The following ZNF398 variants were observed in gnomAD, a reference collection of about 807,000 sequenced individuals.
The protein encoded by ZNF398 is zinc finger DNA binding protein ZER6.
A neutral mutation model predicts 41.9 loss-of-function variants in ZNF398; 18 were observed. That is an observed-to-expected ratio of 0.43 (90% CI 0.30 to 0.64). ZNF398 has a LOEUF of 0.64. Among genes scored for constraint, ZNF398 ranks in the 30% least tolerant of loss-of-function variants. The pLI is 0.14. For synonymous variants in ZNF398, 260 were observed against 308.8 expected (o/e 0.84, Z 1.66); for missense variants, 669 against 822.8 (o/e 0.81, Z 2.29).
chr7:149,133,681 A>G (rs1314951102), intron 2 of ZNF398, among the ~76,000 whole-genome samples: 1 of 36,090 alleles, frequency 2.8e-5, no homozygotes, highest in East Asian at 1.2e-3. Flanking sequence ...ATATATATAC[A>G]TATATATGTG....
At chr7:149,164,493 G>A (rs541202554) in intron 2 of ZNF398, among the ~76,000 whole-genome samples, 1 of 152,116 alleles carries the variant, frequency 6.6e-6, no homozygotes. Flanking sequence ...AAGCATACTA[G>A]AAATAACAGC....
rs536818669 is a variant in ZNF398 at position 149,131,264 on chromosome 7, G to A, written c.-490+2320G>A. On this transcript the variant is annotated intron_variant, in intron 2 of 6. Transcript: ENST00000426851. ...TAATGATACAAAAAATTCTTATTAC[G>A]TGCTAAATTGCCAACTTCTAGTTAA... Among the ~76,000 whole-genome samples the A allele has an allele frequency of 4.6e-5, 7 of 152,208 alleles. No individual in the cohort carries two copies. In the South Asian group the frequency reaches 6.2e-4, roughly 14 times the overall value.
intron 4 of ZNF398, among the ~76,000 whole-genome samples, chr7:149,174,169 C>T (rs1346072203): frequency 6.6e-6 from 1 of 152,140 alleles, no homozygotes; most frequent in Non-Finnish European, 1.5e-5. Context: ...TCACCAGCTG[C>T]ATCAGCCTGT....
intron 1 of ZNF398, chr7:149,148,150 G>A: frequency 4.5e-6 from 1 of 223,992 alleles, no homozygotes; most frequent in Non-Finnish European, 8.8e-6. Flanking sequence ...TTCGTCACCA[G>A]CAATCTGAGC....
At chr7:149,157,415 G>A (rs1017980554) in intron 2 of ZNF398, among the ~76,000 whole-genome samples, 1 of 151,620 alleles carries the variant, frequency 6.6e-6, no homozygotes, top group Non-Finnish European at 1.5e-5. Context: ...AGCGTCTGTA[G>A]TCCCAGCTAC....
rs140993641 is a variant in ZNF398 at position 149,154,170 on chromosome 7, A to T, written c.250A>T (p.Thr84Ser). 1 of 1,614,028 alleles carries T rather than the reference A, an allele frequency of 6.2e-7. No individual in the cohort carries two copies. The highest frequency in any genetic ancestry group is 1.3e-5 in the African/African-American group (1 of 74,924). The change falls in exon 2 of 6, where the codon ACA becomes TCA. Residue 84 changes from threonine to serine, a missense_variant. Thr to Ser is a moderately conservative substitution (Grantham distance 58). This residue lies in a region of ZNF398 where 169 missense variants were observed against 239.5 expected (regional missense o/e 0.71). Coordinates refer to ENST00000475153, the MANE Select transcript of ZNF398 (RefSeq NM_170686.3). Reference protein sequence around the residue: ...AEKKLASCEKTVTELGNQLEG... With the variant: ...AEKKLASCEKSVTELGNQLEG... ...GAAGAAACTAGCCAGCTGTGAAAAG[A>T]CAGTTACCGAGCTTGGGAACCAGCT...
intron 2 of ZNF398, among the ~76,000 whole-genome samples, chr7:149,163,941 G>A (rs1233027609): frequency 4.0e-5 from 6 of 151,872 alleles, no homozygotes; most frequent in Admixed American, 6.6e-5. Flanking sequence ...GTGAAACCCC[G>A]TGTCTACTAA....
At chr7:149,127,061 C>T (rs1048047857) in intron 1 of ZNF398, among the ~76,000 whole-genome samples, 7 of 152,100 alleles carry the variant, frequency 4.6e-5, no homozygotes, top group Non-Finnish European at 7.4e-5. Context: ...TGTGACAGAG[C>T]GGGAGAAGAC....
intron 4 of ZNF398, among the ~76,000 whole-genome samples, chr7:149,172,067 C>G (rs1332722957): frequency 6.6e-6 from 1 of 152,138 alleles, no homozygotes; most frequent in Non-Finnish European, 1.5e-5. Context: ...AACCTTTGTA[C>G]TACTATACAA....
At chr7:149,149,610 G>C (rs1011503678) in intron 1 of ZNF398, among the ~76,000 whole-genome samples, 33 of 152,252 alleles carry the variant, frequency 2.2e-4, no homozygotes, top group African/African-American at 7.9e-4. Context: ...GGCTGCCGTG[G>C]GAAGACAGCT....
chr7:149,148,863 C>CTTTTT (rs59895177), intron 1 of ZNF398, among the ~76,000 whole-genome samples: 1,473 of 63,260 alleles, frequency 0.023, 390 homozygotes, highest in South Asian at 0.064. Context: ...TTTTCTTTGT[C>CTTTTT]TTTTTTTTTT....
intron 4 of ZNF398, among the ~76,000 whole-genome samples, chr7:149,169,837 G>C (rs1375323182): frequency 6.6e-6 from 1 of 152,130 alleles, no homozygotes; most frequent in African/African-American, 2.4e-5. Context: ...GATCTGCTAG[G>C]AGGACTCACA....
In ZNF398 at chr7:149,180,145, G is replaced by A. The variant is rs2129522090; in HGVS notation, c.*344G>A. ...CTCAGAGAACAGCAGGTTGATAGTA[G>A]ATTATGTCTCTAGGTAGAGACAGAT... On this transcript the variant is annotated 3_prime_UTR_variant, in exon 6 of 6. Coordinates refer to ENST00000475153, the MANE Select transcript of ZNF398 (RefSeq NM_170686.3). 5.0e-6 allele frequency: 1 copy of A among 199,820 alleles called. No homozygotes were observed. The highest frequency in any genetic ancestry group is 2.3e-5 in the African/African-American group (1 of 42,972). The allele number at this position is 199,820 out of a possible 1,614,324, so 12.4% of individuals were successfully genotyped here.
In ZNF398 at chr7:149,181,813, A is replaced by G. The variant is rs1795597678; in HGVS notation, c.*2012A>G. The G allele has an allele frequency of 6.6e-6, 1 of 152,256 alleles. No homozygotes were observed. Among genetic ancestry groups the G allele is most frequent in the Non-Finnish European group, 1.5e-5 (1 of 68,052 alleles). The allele number at this position is 152,256 out of a possible 1,614,324, so 9.4% of individuals were successfully genotyped here. A position where few individuals can be genotyped will look rare whatever the true frequency, so the allele number is the denominator to read the frequency against. ...AGCTTTCTAGCCAGAATCTGGACCT[A>G]TACCATGGGAAAATTTAGGGGTGCT... On this transcript the variant is annotated 3_prime_UTR_variant, in exon 6 of 6. Coordinates refer to ENST00000475153, the MANE Select transcript of ZNF398 (RefSeq NM_170686.3).
chr7:149,127,907 G>A (rs933914660), intron 1 of ZNF398, among the ~76,000 whole-genome samples: 3 of 152,018 alleles, frequency 2.0e-5, no homozygotes, highest in Admixed American at 6.6e-5. Flanking sequence ...CACTCCCTCC[G>A]ACACCTGGAT....
At position 149,172,716 on chromosome 7, in the gene ZNF398, G is replaced by C. The variant is rs375653512; in HGVS notation, c.662-3752G>C. Among the ~76,000 whole-genome samples, 7 of 152,296 alleles carry C rather than the reference G, an allele frequency of 4.6e-5. No homozygotes were observed. In the East Asian group the frequency reaches 9.6e-4, roughly 21 times the overall value. Reference sequence around the variant, plus strand: ...TCAAACTGCAAAAGTTACGGCCACAGTGTGTGATAAATACTTAGTTAATAT... The same window carrying C: ...TCAAACTGCAAAAGTTACGGCCACACTGTGTGATAAATACTTAGTTAATAT... On this transcript the variant is annotated intron_variant, in intron 4 of 5. Transcript: ENST00000475153.
chr7:149,142,144 C>T (rs1192854332), intron 2 of ZNF398, among the ~76,000 whole-genome samples: 1 of 152,048 alleles, frequency 6.6e-6, no homozygotes, highest in Non-Finnish European at 1.5e-5. Flanking sequence ...GAGATAATTG[C>T]TATAGACTGG....
chr7:149,148,496 C>T, intron 1 of ZNF398: 1 of 985,508 alleles, frequency 1.0e-6, no homozygotes, highest in Non-Finnish European at 1.2e-6. Context: ...TTGGTCACCT[C>T]TAGGAGAGCA....
chr7:149,178,546 T>C, intron 5 of ZNF398, 102 bp from the exon 6 acceptor site: 1 of 978,616 alleles, frequency 1.0e-6, no homozygotes, highest in Non-Finnish European at 1.5e-6. Flanking sequence ...GCTGTATTTC[T>C]GATCTGAGCT....
Sources: allele counts gnomAD v4.1 joint callset (sites outside exome capture counted in the v4.1 genomes callset), GRCh38; gene constraint gnomAD v4.1.1; regional missense constraint gnomAD v4.1.1; transcripts MANE v1.5; gene names NCBI Gene and HGNC (gene_info 2026-07-23, HGNC 2026-07-21).